The following KIAA0232 variants were observed in gnomAD, a reference collection of about 807,000 sequenced individuals.
KIAA0232 encodes uncharacterized protein KIAA0232.
KIAA0232 carries 27 observed loss-of-function variants against 122.0 expected under a neutral mutation model. The ratio of observed to expected loss-of-function variants is 0.22; its 90% confidence interval spans 0.16 to 0.31. The LOEUF (loss-of-function observed/expected upper bound fraction) is 0.31, where lower values mean the gene tolerates loss of function less well. Ranked by LOEUF, KIAA0232 falls within the 10% of genes least tolerant of loss-of-function variation. The pLI is 1.00. For synonymous variants in KIAA0232, 613 were observed against 587.6 expected (o/e 1.04, Z -0.63); for missense variants, 1,551 against 1,634.2 (o/e 0.95, Z 0.88).
At chr4:6,871,799 G>C in intron 8 of KIAA0232, 117 bp downstream of exon 8, 1 of 675,398 alleles carries the variant, frequency 1.5e-6, no homozygotes, top group Non-Finnish European at 2.6e-6. Context: ...TTTCTGTGTG[G>C]GTAGCACTTT....
intron 2 of KIAA0232, among the ~76,000 whole-genome samples, chr4:6,823,661 A>T (rs983950210): frequency 6.6e-6 from 1 of 151,818 alleles, no homozygotes; most frequent in Admixed American, 6.6e-5. Context: ...TGAACTAGTG[A>T]TTTATTAGTT....
At chr4:6,874,143 C>T (rs192892885) in intron 8 of KIAA0232, among the ~76,000 whole-genome samples, 3 of 152,348 alleles carry the variant, frequency 2.0e-5, no homozygotes, top group Non-Finnish European at 4.4e-5. Context: ...CAGTCTGCCC[C>T]CTGCTGGCCT....
Position 6,880,867 on chromosome 4 carries a change from C to A in KIAA0232, c.4089C>A (p.Cys1363Ter). The change falls in exon 10 of 10, where the codon TGC becomes TGA. Residue 1363 changes from cysteine (C) to a stop codon, truncating the protein, a stop_gained. Transcript: ENST00000307659. LOFTEE classifies it low-confidence loss of function (END_TRUNC). ...CAGATGGCTTCCGCGGAAAGATGTGCTCCAGCGCCAGCTCCACCTCGGAAG... is the reference window on the plus strand; with the variant it reads ...CAGATGGCTTCCGCGGAAAGATGTGATCCAGCGCCAGCTCCACCTCGGAAG... ...AKSDGFRGKM[C>*]SSASSTSEET... The A allele has an allele frequency of 6.2e-7, 1 of 1,607,598 alleles. No individual in the cohort carries two copies. The highest frequency in any genetic ancestry group is 8.5e-7 in the Non-Finnish European group (1 of 1,176,918).
chr4:6,863,054 A>G lies in KIAA0232; in HGVS notation c.2672A>G (p.Glu891Gly), dbSNP rs1390240925. Reference protein sequence around the residue: ...SEYHLWEGQKESLEKRAFASS... With the variant: ...SEYHLWEGQKGSLEKRAFASS... ...TACCATCTGTGGGAGGGACAGAAAGAGAGCCTGGAGAAAAGAGCATTTGCT... is the reference window on the plus strand; with the variant it reads ...TACCATCTGTGGGAGGGACAGAAAGGGAGCCTGGAGAAAAGAGCATTTGCT... Residue 891 changes from glutamate to glycine, a missense_variant, in exon 7 of 10, where the codon GAG (glutamate) becomes GGG (glycine). This residue lies in a region of KIAA0232 where 1,108 missense variants were observed against 1,154.8 expected (regional missense o/e 0.96). Transcript: ENST00000307659. 6.2e-7 allele frequency: 1 copy of G among 1,614,256 alleles called. No individual in the cohort carries two copies. The highest frequency in any genetic ancestry group is 8.5e-7 in the Non-Finnish European group (1 of 1,180,046).
chr4:6,855,788 A>T lies in KIAA0232; in HGVS notation c.370-1376A>T. On this transcript the variant is annotated intron_variant, in intron 4 of 9. Transcript: ENST00000307659. This position sits in a 1 kb window ranked among gnomAD's most constrained non-coding sequence, Gnocchi z 4.3. ...CCTAGGTTTAGAAACCTAGTGACATAGGCTTGCTGTACAGAACAGTATGCA... is the reference window on the plus strand; with the variant it reads ...CCTAGGTTTAGAAACCTAGTGACATTGGCTTGCTGTACAGAACAGTATGCA... 2.1e-6 allele frequency: 2 copies of T among 955,950 alleles called. No individual in the cohort carries two copies. The highest frequency in any genetic ancestry group is 2.5e-6 in the Non-Finnish European group (2 of 803,054). The allele number at this position is 955,950 out of a possible 1,614,324, so 59.2% of individuals were successfully genotyped here.
chr4:6,823,654 A>G (rs1207814896), intron 2 of KIAA0232, among the ~76,000 whole-genome samples: 1 of 152,088 alleles, frequency 6.6e-6, no homozygotes, highest in African/African-American at 2.4e-5. Flanking sequence ...TTAGATATGA[A>G]CTAGTGATTT....
Position 6,842,182 on chromosome 4 carries a change from G to A in KIAA0232, c.347G>A (p.Cys116Tyr). Residue 116 changes from cysteine to tyrosine, a missense_variant, in exon 4 of 10, where the codon TGT becomes TAT. This residue lies in a region of KIAA0232 where 377 missense variants were observed against 381.7 expected (regional missense o/e 0.99). Coordinates refer to ENST00000307659, the MANE Select transcript of KIAA0232 (RefSeq NM_014743.3). ...ATGAAAAAACAGGCTGCTGTCCAGTGTCTTCGATCTGCTTCTGATGAAGTA... is the reference window on the plus strand; with the variant it reads ...ATGAAAAAACAGGCTGCTGTCCAGTATCTTCGATCTGCTTCTGATGAAGTA... ...EEMKKQAAVQ[C>Y]LRSASDESSG... 1.9e-6 allele frequency: 3 copies of A among 1,602,480 alleles called. No homozygotes were observed. Among genetic ancestry groups the A allele is most frequent in the Admixed American group, 1.7e-5 (1 of 57,426 alleles).
At chr4:6,821,546 CA>C (rs1239813983) in intron 2 of KIAA0232, among the ~76,000 whole-genome samples, 2 of 151,946 alleles carry the variant, frequency 1.3e-5, no homozygotes, top group Non-Finnish European at 2.9e-5. Flanking sequence ...CTGCAAATGC[CA>C]TTACTTCGTT....
chr4:6,867,360 A>G (rs906305165), intron 7 of KIAA0232, among the ~76,000 whole-genome samples: 2 of 152,164 alleles, frequency 1.3e-5, no homozygotes, highest in East Asian at 3.8e-4. Context: ...GGAACAGCAG[A>G]AGCAAGGGTA....
intron 3 of KIAA0232, among the ~76,000 whole-genome samples, chr4:6,838,726 G>A (rs944630012): frequency 2.4e-5 from 3 of 124,256 alleles, no homozygotes; most frequent in African/African-American, 1.0e-4. Flanking sequence ...TTTCAAAGCA[G>A]CTTTTTTTTT....
chr4:6,794,756 G>A (rs1717057442), intron 1 of KIAA0232, among the ~76,000 whole-genome samples: 1 of 152,178 alleles, frequency 6.6e-6, no homozygotes, highest in African/African-American at 2.4e-5. Flanking sequence ...TGGACGAGAT[G>A]TGGGATGTGC....
At position 6,871,527 on chromosome 4, in the gene KIAA0232, A is replaced by G. The variant is rs1721483816; in HGVS notation, c.3802-47A>G. ...ATAATGCTTGAATATTCTTCCTCTA[A>G]CCTGAAAGTTTATAAACTTTTTCTG... On this transcript the variant is annotated intron_variant, in intron 7 of 9. Coordinates refer to ENST00000307659, the MANE Select transcript of KIAA0232 (RefSeq NM_014743.3). The G allele has an allele frequency of 3.7e-6, 4 of 1,083,092 alleles. No individual in the cohort carries two copies. In the African/African-American group the frequency reaches 6.3e-5, roughly 17 times the overall value. 67.1% of individuals were successfully genotyped at this position (1,083,092 alleles called of 1,614,324 possible). A position where few individuals can be genotyped will look rare whatever the true frequency, so the allele number is the denominator to read the frequency against.
At chr4:6,880,744 A>G (rs1447640063) in intron 9 of KIAA0232, 43 bp from the exon 10 acceptor site, 13 of 1,410,336 alleles carry the variant, frequency 9.2e-6, no homozygotes, top group African/African-American at 1.5e-5. Flanking sequence ...CTTTTGGGGA[A>G]AAAAAAGTCT....
intron 1 of KIAA0232, among the ~76,000 whole-genome samples, chr4:6,798,234 A>AT (rs1717222333): frequency 2.6e-5 from 4 of 152,190 alleles, no homozygotes; most frequent in African/African-American, 9.6e-5. Flanking sequence ...AATCCATGAA[A>AT]TGGGAGGTTT....
At chr4:6,827,952 CTTTTA>C (rs945434705) in intron 3 of KIAA0232, among the ~76,000 whole-genome samples, 7 of 152,070 alleles carry the variant, frequency 4.6e-5, no homozygotes, top group Admixed American at 1.3e-4. Flanking sequence ...CTACATATCA[CTTTTA>C]TTTTATATAA....
In KIAA0232 at chr4:6,862,051, G is replaced by C. The variant is rs1298166087; in HGVS notation, c.1669G>C (p.Gly557Arg). 6.2e-7 allele frequency: 1 copy of C among 1,614,062 alleles called. No homozygotes were observed. The highest frequency in any genetic ancestry group is 1.7e-5 in the Admixed American group (1 of 60,010). ...GGCAGAATGTTGCATAGTGTTAGATGGTATGGAGTTGCAAGGGGAACGTGC... is the reference window on the plus strand; with the variant it reads ...GGCAGAATGTTGCATAGTGTTAGATCGTATGGAGTTGCAAGGGGAACGTGC... ...FEAECCIVLDGMELQGERAIW... is the reference protein window; with the variant it reads ...FEAECCIVLDRMELQGERAIW... Residue 557 changes from glycine (G) to arginine (R), a missense_variant, in exon 7 of 10, where the codon GGT becomes CGT. Physicochemically the swap from Gly to Arg is moderately radical, Grantham distance 125. Around this residue, in one of 5 missense-constraint regions of KIAA0232, gnomAD observed 1,108 missense variants for 1,154.8 expected, o/e 0.96. Transcript: ENST00000307659.
intron 1 of KIAA0232, among the ~76,000 whole-genome samples, chr4:6,801,258 T>C (rs1235035564): frequency 6.6e-6 from 1 of 152,268 alleles, no homozygotes; most frequent in African/African-American, 2.4e-5. Context: ...TTTTATTTAA[T>C]TTTAATTAAT....
At chr4:6,873,577 G>T (rs866938573) in intron 8 of KIAA0232, among the ~76,000 whole-genome samples, 1 of 152,154 alleles carries the variant, frequency 6.6e-6, no homozygotes, top group Non-Finnish European at 1.5e-5. Context: ...TGTTTCTTTA[G>T]TAAAGGGCAA....
Position 6,861,114 on chromosome 4 carries a change from T to C in KIAA0232, c.732T>C (p.His244=). Residue 244 remains histidine (H), a synonymous_variant, in exon 7 of 10, where the codon CAT becomes CAC. Coordinates refer to ENST00000307659, the MANE Select transcript of KIAA0232 (RefSeq NM_014743.3). ...ERSSEVPTTV[H]EKTQSKSKNE... ...GCAGTGAAGTACCCACCACTGTGCA[T>C]GAGAAAACCCAGAGCAAAAGCAAAA... 1 of 1,614,132 alleles carries C rather than the reference T, an allele frequency of 6.2e-7. No individual in the cohort carries two copies. The highest frequency in any genetic ancestry group is 8.5e-7 in the Non-Finnish European group (1 of 1,180,032).
Sources: gnomAD v4.1 joint callset for allele counts (sites outside exome capture counted in the v4.1 genomes callset) on GRCh38, gnomAD v4.1.1 for gene constraint, gnomAD v4.1.1 regional missense constraint, Gnocchi (gnomAD v3.1) non-coding constraint, MANE v1.5 for transcripts, NCBI Gene and HGNC (gene_info 2026-07-23, HGNC 2026-07-21) for gene names.